Variants in TMTC2 observed in about 807,000 individuals in gnomAD.
TMTC2 encodes protein O-mannosyl-transferase TMTC2.
A neutral mutation model predicts 82.4 loss-of-function variants in TMTC2; 43 were observed. That is an observed-to-expected ratio of 0.52 (90% CI 0.41 to 0.67). The LOEUF is 0.67. Among genes scored for constraint, TMTC2 ranks in the 30% least tolerant of loss-of-function variants. TMTC2 has a pLI of 0.00. For synonymous variants in TMTC2, 408 were observed against 381.9 expected (o/e 1.07, Z -0.80); for missense variants, 919 against 1,012.4 (o/e 0.91, Z 1.25).
chr12:82,870,302 G>A (rs1409892649), intron 2 of TMTC2, among the ~76,000 whole-genome samples: 1 of 152,116 alleles, frequency 6.6e-6, no homozygotes, highest in Non-Finnish European at 1.5e-5. Context: ...TAGTGCTCCA[G>A]CTTGATTTCA....
chr12:82,871,932 C>T (rs558099665), intron 2 of TMTC2, among the ~76,000 whole-genome samples: 3 of 151,642 alleles, frequency 2.0e-5, no homozygotes, highest in East Asian at 1.9e-4. Flanking sequence ...GATTTACATT[C>T]GTGTGGTAAC....
At chr12:83,093,819 A>G (rs1453875510) in intron 11 of TMTC2, among the ~76,000 whole-genome samples, 2 of 152,248 alleles carry the variant, frequency 1.3e-5, no homozygotes, top group Non-Finnish European at 2.9e-5. Flanking sequence ...ATTATGAGCC[A>G]TACATTCTTC....
intron 1 of TMTC2, among the ~76,000 whole-genome samples, chr12:82,833,274 A>G (rs1869847924): frequency 6.6e-6 from 1 of 152,218 alleles, no homozygotes; most frequent in Admixed American, 6.5e-5. Flanking sequence ...TATCAACTAA[A>G]GTAGGTGCTA....
intron 1 of TMTC2, among the ~76,000 whole-genome samples, chr12:82,844,869 A>G (rs1323026756): frequency 6.6e-6 from 1 of 152,070 alleles, no homozygotes; most frequent in Non-Finnish European, 1.5e-5. Context: ...CTTCATTAAA[A>G]AAAGTATAAT....
At chr12:82,879,562 G>A (rs1414094271) in intron 2 of TMTC2, among the ~76,000 whole-genome samples, 5 of 152,160 alleles carry the variant, frequency 3.3e-5, no homozygotes, top group Non-Finnish European at 7.4e-5. Context: ...CATGGAGCAG[G>A]ACCGGTTCGT....
chr12:83,111,795 A>T (rs930703836), intron 11 of TMTC2, among the ~76,000 whole-genome samples: 3 of 152,182 alleles, frequency 2.0e-5, no homozygotes, highest in African/African-American at 7.2e-5. Flanking sequence ...AAAAGGAAAA[A>T]TTAAGAATAT....
At chr12:82,805,699 G>T (rs1203327596) in intron 1 of TMTC2, among the ~76,000 whole-genome samples, 1 of 151,574 alleles carries the variant, frequency 6.6e-6, no homozygotes, top group Non-Finnish European at 1.5e-5. Context: ...TAGAGACGGG[G>T]TTTCACCCTG....
At chr12:82,841,531 C>T (rs1394694584) in intron 1 of TMTC2, among the ~76,000 whole-genome samples, 5 of 152,058 alleles carry the variant, frequency 3.3e-5, no homozygotes, top group South Asian at 2.1e-4. Flanking sequence ...TTTTCATCAG[C>T]GCTCGCATAT....
chr12:82,904,761 T>C (rs1242432084), intron 3 of TMTC2, among the ~76,000 whole-genome samples: 1 of 152,220 alleles, frequency 6.6e-6, no homozygotes, highest in Non-Finnish European at 1.5e-5. Context: ...TCTTGATTCA[T>C]TACAAAGCAG....
At chr12:82,746,131 G>A (rs868654221) in intron 1 of TMTC2, among the ~76,000 whole-genome samples, 2 of 152,168 alleles carry the variant, frequency 1.3e-5, no homozygotes, top group African/African-American at 4.8e-5. Flanking sequence ...ATTATTCAGT[G>A]ATACAAAGAG....
intron 11 of TMTC2, among the ~76,000 whole-genome samples, chr12:83,100,377 T>TG (rs34152354): frequency 0.055 from 8,325 of 152,208 alleles, 330 homozygotes; most frequent in East Asian, 0.22. Context: ...TGTTTGTTTG[T>TG]GTTTTTTTTG....
At chr12:83,053,789 A>G (rs1268238906) in intron 10 of TMTC2, among the ~76,000 whole-genome samples, 1 of 152,134 alleles carries the variant, frequency 6.6e-6, no homozygotes, top group Admixed American at 6.6e-5. Context: ...ATGACAAGTC[A>G]GAGGTATCAA....
rs1885337233 is a variant in TMTC2, at chr12:83,133,633, A to G, written c.*1244A>G. ...AGCAAAATTGGTATTTTATTTCATT[A>G]CCTGTTAGTAACTACTTCAATGATC... is the stretch of plus-strand genomic sequence containing the variant. On this transcript the variant is annotated 3_prime_UTR_variant, in exon 12 of 12. Coordinates refer to ENST00000321196, the MANE Select transcript of TMTC2 (RefSeq NM_152588.3). 6.6e-6 allele frequency: 1 copy of G among 152,186 alleles called. No individual in the cohort carries two copies. The highest frequency in any genetic ancestry group is 2.1e-4 in the South Asian group (1 of 4,832). The allele number at this position is 152,186 out of a possible 1,614,324, so 9.4% of individuals were successfully genotyped here.
At chr12:82,690,861 GT>G (rs1488621250) in intron 1 of TMTC2, among the ~76,000 whole-genome samples, 1 of 152,172 alleles carries the variant, frequency 6.6e-6, no homozygotes, top group Non-Finnish European at 1.5e-5. Context: ...GTTTAGGTCA[GT>G]GGTAAAACTT....
At chr12:83,098,050 G>A (rs377636374) in intron 11 of TMTC2, among the ~76,000 whole-genome samples, 27 of 152,302 alleles carry the variant, frequency 1.8e-4, no homozygotes, top group African/African-American at 6.5e-4. Flanking sequence ...AGATGTCGAG[G>A]GCTACTCTAT....
chr12:83,108,160 G>T (rs549634646), intron 11 of TMTC2, among the ~76,000 whole-genome samples: 1 of 151,876 alleles, frequency 6.6e-6, no homozygotes, highest in Non-Finnish European at 1.5e-5. Context: ...TTTATAAATC[G>T]CCCAGTCTCA....
chr12:82,724,603 G>A (rs1415974468), intron 1 of TMTC2, among the ~76,000 whole-genome samples: 1 of 152,104 alleles, frequency 6.6e-6, no homozygotes, highest in Non-Finnish European at 1.5e-5. Flanking sequence ...GGAACTGTGA[G>A]TCAATTAAAC....
intron 8 of TMTC2, among the ~76,000 whole-genome samples, chr12:83,017,241 A>G (rs1655606): frequency 0.79 from 120,528 of 152,042 alleles, 48,553 homozygotes; most frequent in South Asian, 0.93. Flanking sequence ...CAGTGTCATG[A>G]AGCCATCATT....
At chr12:82,890,531 C>T (rs1873341943) in intron 2 of TMTC2, among the ~76,000 whole-genome samples, 1 of 152,108 alleles carries the variant, frequency 6.6e-6, no homozygotes, top group Non-Finnish European at 1.5e-5. Context: ...AAACAAGAGT[C>T]CAACAACATT....
Sources: allele counts gnomAD v4.1 joint callset (sites outside exome capture counted in the v4.1 genomes callset), GRCh38; gene constraint gnomAD v4.1.1; transcripts MANE v1.5; gene names NCBI Gene and HGNC (gene_info 2026-07-23, HGNC 2026-07-21).